The following DLGAP1 variants were observed in gnomAD, a reference collection of about 807,000 sequenced individuals.
DLGAP1 encodes disks large-associated protein 1.
In DLGAP1, 11 loss-of-function variants were observed where a neutral mutation model predicts 90.8. The ratio of observed to expected loss-of-function variants is 0.12; its 90% CI spans 0.08 to 0.20. The LOEUF is 0.20. Among genes scored for constraint, DLGAP1 ranks in the 10% least tolerant of loss-of-function variants. The pLI is 1.00. For missense variants in DLGAP1, 1,050 were observed against 1,333.8 expected (o/e 0.79, Z 3.31); for synonymous variants, 558 against 540.7 (o/e 1.03, Z -0.44).
intron 1 of DLGAP1, among the ~76,000 whole-genome samples, chr18:4,299,085 C>CAAAAA (rs35327176): frequency 7.9e-5 from 6 of 76,310 alleles, no homozygotes; most frequent in African/African-American, 1.3e-4. Context: ...TGTCTCAAGA[C>CAAAAA]AAAAAAAAAA....
At chr18:4,453,125 T>G (rs892235141) in intron 1 of DLGAP1, among the ~76,000 whole-genome samples, 6 of 152,190 alleles carry the variant, frequency 3.9e-5, no homozygotes, top group Non-Finnish European at 5.9e-5. Flanking sequence ...ACTAGGGGTA[T>G]TGCAAGGCAC....
At chr18:4,422,751 T>A (rs1489557518) in intron 1 of DLGAP1, among the ~76,000 whole-genome samples, 1 of 152,110 alleles carries the variant, frequency 6.6e-6, no homozygotes, top group Non-Finnish European at 1.5e-5. Context: ...TGTATTGTCC[T>A]AACAAATGGG....
At chr18:4,219,269 T>A (rs2078027916) in intron 1 of DLGAP1, among the ~76,000 whole-genome samples, 1 of 152,044 alleles carries the variant, frequency 6.6e-6, no homozygotes. Flanking sequence ...GCCATTTGTA[T>A]GTCTTCTTTT....
intron 2 of DLGAP1, among the ~76,000 whole-genome samples, chr18:4,033,740 CTT>C (rs34275416): frequency 9.3e-5 from 13 of 139,856 alleles, no homozygotes; most frequent in Non-Finnish European, 7.8e-5. Context: ...AGTTTAGCAA[CTT>C]TTTTTTTTTT....
At chr18:3,744,487 TA>T (rs986246459) in intron 5 of DLGAP1, among the ~76,000 whole-genome samples, 5 of 152,282 alleles carry the variant, frequency 3.3e-5, no homozygotes, top group Non-Finnish European at 5.9e-5. Flanking sequence ...AATTTTCCTG[TA>T]AAAAAACTTA....
At chr18:3,696,360 AG>A (rs2061091384) in intron 7 of DLGAP1, among the ~76,000 whole-genome samples, 1 of 152,152 alleles carries the variant, frequency 6.6e-6, no homozygotes, top group African/African-American at 2.4e-5. Context: ...TATTATTTTG[AG>A]ATACATTTCA....
intron 1 of DLGAP1, among the ~76,000 whole-genome samples, chr18:4,347,221 A>C (rs2081316859): frequency 6.6e-6 from 1 of 152,110 alleles, no homozygotes; most frequent in African/African-American, 2.4e-5. Context: ...TGAATATCAT[A>C]AAAAACAACC....
At chr18:3,952,865 C>T (rs527686496) in intron 3 of DLGAP1, among the ~76,000 whole-genome samples, 2 of 152,268 alleles carry the variant, frequency 1.3e-5, no homozygotes, top group South Asian at 4.1e-4. Context: ...ATCTCTTTCA[C>T]CCACCCAGGA....
intron 1 of DLGAP1, among the ~76,000 whole-genome samples, chr18:4,427,741 T>C (rs981817757): frequency 2.6e-5 from 4 of 152,168 alleles, no homozygotes; most frequent in African/African-American, 7.2e-5. Context: ...CAGGTTTGAA[T>C]TGTAAGTCAT....
chr18:3,609,467 G>GT (rs1369087401), intron 7 of DLGAP1, among the ~76,000 whole-genome samples: 1 of 152,178 alleles, frequency 6.6e-6, no homozygotes, highest in Non-Finnish European at 1.5e-5. Flanking sequence ...CTAGCGATGG[G>GT]TGTGGAATAG....
At chr18:3,847,694 A>G (rs888762099) in intron 4 of DLGAP1, among the ~76,000 whole-genome samples, 4 of 152,202 alleles carry the variant, frequency 2.6e-5, no homozygotes, top group Non-Finnish European at 5.9e-5. Flanking sequence ...AGAAACCAAA[A>G]GAATTGCACA....
intron 7 of DLGAP1, among the ~76,000 whole-genome samples, chr18:3,645,202 A>G (rs943878127): frequency 6.6e-6 from 1 of 152,054 alleles, no homozygotes; most frequent in African/African-American, 2.4e-5. Context: ...AGGTGAGAGG[A>G]TCACCTGAGC....
intron 1 of DLGAP1, among the ~76,000 whole-genome samples, chr18:4,225,243 C>T (rs1290573696): frequency 6.6e-6 from 1 of 152,098 alleles, no homozygotes; most frequent in Non-Finnish European, 1.5e-5. Context: ...GGGGGTGCCA[C>T]TTAATGCAGT....
intron 4 of DLGAP1, among the ~76,000 whole-genome samples, chr18:3,825,850 T>C (rs2067680984): frequency 1.3e-5 from 2 of 152,174 alleles, no homozygotes; most frequent in African/African-American, 4.8e-5. Flanking sequence ...CCTATTAAAC[T>C]ATACTAAAGT....
At chr18:4,197,894 GA>G (rs1044618208) in intron 1 of DLGAP1, among the ~76,000 whole-genome samples, 9 of 152,172 alleles carry the variant, frequency 5.9e-5, no homozygotes, top group Non-Finnish European at 1.2e-4. Context: ...CCATACATGG[GA>G]AGCTGAAAAG....
At chr18:3,820,162 T>G (rs1240301127) in intron 4 of DLGAP1, among the ~76,000 whole-genome samples, 2 of 152,146 alleles carry the variant, frequency 1.3e-5, no homozygotes, top group Non-Finnish European at 1.5e-5. Context: ...GGAAGTTGCA[T>G]GGTGAGGTGT....
At chr18:4,188,990 A>G (rs1368501757) in intron 1 of DLGAP1, among the ~76,000 whole-genome samples, 1 of 152,186 alleles carries the variant, frequency 6.6e-6, no homozygotes, top group Non-Finnish European at 1.5e-5. Context: ...GTATTTAATC[A>G]TATTCAAAGT....
chr18:3,509,327 T>C (rs547963509), intron 10 of DLGAP1, among the ~76,000 whole-genome samples: 7 of 152,338 alleles, frequency 4.6e-5, no homozygotes, highest in Admixed American at 3.3e-4. Flanking sequence ...ATTTTGTTAA[T>C]ATAGGGTGAA....
chr18:4,041,269 A>G (rs2074969991), intron 2 of DLGAP1, among the ~76,000 whole-genome samples: 1 of 152,212 alleles, frequency 6.6e-6, no homozygotes, highest in African/African-American at 2.4e-5. Context: ...TGTCATCATC[A>G]TCATCATAGC....
Sources: allele counts gnomAD v4.1 joint callset (sites outside exome capture counted in the v4.1 genomes callset), GRCh38; gene constraint gnomAD v4.1.1; transcripts MANE v1.5; gene names NCBI Gene and HGNC (gene_info 2026-07-23, HGNC 2026-07-21).